Variants in VPS13B observed in about 807,000 individuals in gnomAD.
VPS13B encodes vacuolar protein sorting 13 homolog B.
Under a neutral mutation model 426.4 loss-of-function variants are expected in VPS13B, and 285 were observed. That is an observed-to-expected ratio of 0.67 (90% confidence interval 0.61 to 0.74). The LOEUF (loss-of-function observed/expected upper bound fraction) is 0.74, where lower values mean the gene tolerates loss of function less well. Among genes scored for constraint, VPS13B ranks in the 30% least tolerant of loss-of-function variants. The pLI is 0.00. For synonymous variants in VPS13B, 1,676 were observed against 1,676.4 expected (o/e 1.00, Z 0.01); for missense variants, 4,537 against 4,782.6 (o/e 0.95, Z 1.51).
intron 17 of VPS13B, among the ~76,000 whole-genome samples, chr8:99,255,940 T>C (rs1296834651): frequency 6.6e-6 from 1 of 152,194 alleles, no homozygotes; most frequent in African/African-American, 2.4e-5. Context: ...TTGGGGTTCA[T>C]GTTAGAGTAT....
At chr8:99,508,408 A>G (rs1821616408) in intron 28 of VPS13B, among the ~76,000 whole-genome samples, 1 of 152,150 alleles carries the variant, frequency 6.6e-6, no homozygotes, top group African/African-American at 2.4e-5. Flanking sequence ...TAGAACCTTG[A>G]CTTTTTTAAT....
At chr8:99,147,680 C>A (rs1478755201) in intron 13 of VPS13B, among the ~76,000 whole-genome samples, 161 bp from the exon 14 acceptor site, 1 of 152,058 alleles carries the variant, frequency 6.6e-6, no homozygotes, top group Non-Finnish European at 1.5e-5. Flanking sequence ...AATAGTGCAA[C>A]TTATATTTGT....
chr8:99,199,674 CTCT>C (rs768700929), intron 17 of VPS13B, among the ~76,000 whole-genome samples: 5 of 152,120 alleles, frequency 3.3e-5, no homozygotes, highest in South Asian at 4.1e-4. Context: ...ACAGTTTCCT[CTCT>C]TCTTTGAGCA....
At chr8:99,754,714 G>A (rs1810554677) in intron 39 of VPS13B, among the ~76,000 whole-genome samples, 1 of 151,918 alleles carries the variant, frequency 6.6e-6, no homozygotes, top group Non-Finnish European at 1.5e-5. Flanking sequence ...TTTCTCTTTG[G>A]GGAATATATT....
chr8:99,603,985 A>G (rs935867362), intron 33 of VPS13B, among the ~76,000 whole-genome samples: 1 of 152,194 alleles, frequency 6.6e-6, no homozygotes, highest in Non-Finnish European at 1.5e-5. Flanking sequence ...AAAAATACTT[A>G]CAAATAATGG....
intron 43 of VPS13B, among the ~76,000 whole-genome samples, chr8:99,795,706 T>C (rs1588717894): frequency 6.6e-6 from 1 of 152,246 alleles, no homozygotes; most frequent in East Asian, 1.9e-4. Flanking sequence ...GCTCATCTGG[T>C]CTGGAAGATC....
At chr8:99,203,680 T>A (rs548873210) in intron 17 of VPS13B, among the ~76,000 whole-genome samples, 65 of 152,220 alleles carry the variant, frequency 4.3e-4, no homozygotes, top group African/African-American at 1.3e-3. Context: ...GGATACAAAA[T>A]CAATGTGGAA....
At chr8:99,337,721 T>G (rs1811002062) in intron 19 of VPS13B, among the ~76,000 whole-genome samples, 2 of 152,166 alleles carry the variant, frequency 1.3e-5, no homozygotes, top group Admixed American at 6.6e-5. Flanking sequence ...TTTTAATACC[T>G]TGGTAAATTC....
chr8:99,823,689 A>G, intron 50 of VPS13B, 143 bp from the exon 51 acceptor site: 3 of 859,238 alleles, frequency 3.5e-6, no homozygotes, highest in Non-Finnish European at 5.6e-6. Context: ...AAGGAACGCC[A>G]TTAAATATTC....
intron 17 of VPS13B, among the ~76,000 whole-genome samples, chr8:99,250,475 T>G (rs116287430): frequency 6.6e-6 from 1 of 152,126 alleles, no homozygotes; most frequent in Non-Finnish European, 1.5e-5. Context: ...TTTTCTGACT[T>G]AATTTTTTTA....
In VPS13B at chr8:99,697,268, C is replaced by G; in HGVS notation, c.6047-2257C>G. 6.8e-6 allele frequency: 4 copies of G among 584,116 alleles called. 1 individual carries two copies. In the South Asian group the frequency reaches 7.5e-5, roughly 11 times the overall value. 36.2% of individuals were successfully genotyped at this position (584,116 alleles called of 1,614,324 possible). A position where few individuals can be genotyped will look rare whatever the true frequency, so the allele number is the denominator to read the frequency against. ...AGGCAGCCATCCAGCAGGAGCACCA[C>G]AAGGAGCTGCAGAAGCGCTCGGAGT... On this transcript the variant is annotated intron_variant, in intron 35 of 61. Transcript: ENST00000357162.
chr8:99,734,399 C>G (rs1178764615), intron 39 of VPS13B, among the ~76,000 whole-genome samples: 3 of 152,146 alleles, frequency 2.0e-5, no homozygotes, highest in Non-Finnish European at 2.9e-5. Context: ...ACAAGGTACT[C>G]TTAATGTACA....
At chr8:99,368,684 T>C (rs1467239433) in intron 19 of VPS13B, among the ~76,000 whole-genome samples, 6 of 152,240 alleles carry the variant, frequency 3.9e-5, no homozygotes, top group Admixed American at 2.0e-4. Flanking sequence ...ATAGTGGTGC[T>C]AAATAGTGTT....
Position 99,360,156 on chromosome 8 carries a change from TTCTTTCTTTC to T in VPS13B, c.2825-24050_2825-24041del, listed in dbSNP as rs1448146619. Among the ~76,000 whole-genome samples the T allele has an allele frequency of 1.7e-4, 6 of 36,240 alleles. 1 individual carries two copies. The highest frequency in any genetic ancestry group is 1.3e-3 in the East Asian group (2 of 1,536). The allele number at this position is 36,240 out of a possible 152,430, so 23.8% of individuals were successfully genotyped here. ...TTTCTTTCTTTCTTTCTTTCTTTCT[TTCTTTCTTTC>T]TTTCTTTCTTTCTTTCTTTCTTTCT... On this transcript the variant is annotated intron_variant, in intron 19 of 61. Transcript: ENST00000357162.
chr8:99,209,875 T>C, intron 17 of VPS13B: 1 of 435,572 alleles, frequency 2.3e-6, no homozygotes, highest in African/African-American at 2.3e-5. Flanking sequence ...GTTTATAATG[T>C]ATACTAAATG....
At chr8:99,710,812 A>G (rs1052944982) in intron 36 of VPS13B, among the ~76,000 whole-genome samples, 3 of 150,850 alleles carry the variant, frequency 2.0e-5, no homozygotes, top group African/African-American at 7.3e-5. Context: ...CAATGTGGTG[A>G]AATCCTGTCT....
At chr8:99,400,318 C>T (rs1255633045) in intron 21 of VPS13B, among the ~76,000 whole-genome samples, 1 of 152,192 alleles carries the variant, frequency 6.6e-6, no homozygotes, top group Non-Finnish European at 1.5e-5. Flanking sequence ...AACATGGTTT[C>T]TTGGTTTCCT....
intron 16 of VPS13B, among the ~76,000 whole-genome samples, chr8:99,172,048 G>T (rs755038413): frequency 1.2e-4 from 18 of 152,082 alleles, no homozygotes; most frequent in Non-Finnish European, 1.9e-4. Context: ...AATTTGGACA[G>T]TTACTCTACC....
intron 21 of VPS13B, among the ~76,000 whole-genome samples, chr8:99,410,649 G>C (rs1815594589): frequency 2.0e-5 from 3 of 151,892 alleles, no homozygotes; most frequent in Admixed American, 2.0e-4. Context: ...GTGCCATGGT[G>C]GTTTGCTGCA....
Sources: allele counts gnomAD v4.1 joint callset (sites outside exome capture counted in the v4.1 genomes callset), GRCh38; gene constraint gnomAD v4.1.1; transcripts MANE v1.5; gene names NCBI Gene and HGNC (gene_info 2026-07-23, HGNC 2026-07-21).